The following ITGA1 variants were observed in gnomAD, a reference collection of about 807,000 sequenced individuals.
The protein encoded by ITGA1 is integrin subunit alpha 1.
In ITGA1, 85 loss-of-function variants were observed where a neutral mutation model predicts 145.9. The observed-to-expected ratio is 0.58, with a 90% CI of 0.49 to 0.70. The LOEUF is 0.70. ITGA1 is among the 30% of genes least tolerant of loss of function. The pLI is 0.00. For missense variants in ITGA1, 1,351 were observed against 1,418.7 expected (o/e 0.95, Z 0.77); for synonymous variants, 520 against 495.3 (o/e 1.05, Z -0.66).
chr5:52,865,623 G>A (rs1749675140), intron 5 of ITGA1, 67 bp from the exon 6 acceptor site: 1 of 1,287,180 alleles, frequency 7.8e-7, no homozygotes, highest in Non-Finnish European at 1.0e-6. Context: ...TTTCAGCCAT[G>A]AAAGCACTTC....
At chr5:52,920,250 T>C (rs1750711036) in intron 16 of ITGA1, 82 bp from the exon 17 acceptor site, 1 of 1,082,690 alleles carries the variant, frequency 9.2e-7, no homozygotes, top group Admixed American at 3.0e-5. Context: ...GATTTTTCTA[T>C]AATGCTAATT....
intron 7 of ITGA1, among the ~76,000 whole-genome samples, chr5:52,887,029 G>A (rs755938641): frequency 6.6e-6 from 1 of 151,788 alleles, no homozygotes; most frequent in African/African-American, 2.4e-5. Context: ...TGCCCGCCTC[G>A]GCCTCCCTGA....
intron 1 of ITGA1, among the ~76,000 whole-genome samples, chr5:52,792,097 C>T (rs1024490287): frequency 1.3e-5 from 2 of 152,126 alleles, no homozygotes; most frequent in African/African-American, 4.8e-5. Context: ...TTAAGTGTAA[C>T]TCAAGTAAGA....
intron 5 of ITGA1, among the ~76,000 whole-genome samples, 175 bp downstream of exon 5, chr5:52,865,257 G>T (rs1234858699): frequency 6.6e-6 from 1 of 152,136 alleles, no homozygotes; most frequent in Non-Finnish European, 1.5e-5. Context: ...GCTATTTTTG[G>T]AATTGATATT....
intron 23 of ITGA1, among the ~76,000 whole-genome samples, chr5:52,936,743 T>C (rs1328613067): frequency 6.6e-6 from 1 of 152,152 alleles, no homozygotes; most frequent in Middle Eastern, 3.2e-3. Context: ...TAGCAGAACA[T>C]GATACTAAGT....
intron 24 of ITGA1, among the ~76,000 whole-genome samples, chr5:52,938,557 G>C (rs574562922): frequency 6.6e-6 from 1 of 152,178 alleles, no homozygotes; most frequent in East Asian, 1.9e-4. Flanking sequence ...ATCCAAAAAA[G>C]CAGGTTTGTG....
chr5:52,803,044 G>A (rs1561212984), intron 1 of ITGA1: 2 of 152,154 alleles, frequency 1.3e-5, no homozygotes, highest in Non-Finnish European at 2.9e-5. Context: ...AATTAGGAAC[G>A]ATCTAATAGT....
intron 11 of ITGA1, chr5:52,902,792 C>G (rs1304052531): frequency 6.6e-6 from 1 of 152,178 alleles, no homozygotes; most frequent in African/African-American, 2.4e-5. Context: ...CCAGACTGGT[C>G]TCGAACTCCT....
chr5:52,867,255 A>G (rs1277459299), intron 6 of ITGA1: 2 of 152,100 alleles, frequency 1.3e-5, no homozygotes, highest in Non-Finnish European at 2.9e-5. Context: ...TCAAAGTTGA[A>G]CTCAAACTTC....
chr5:52,941,437 T>C (rs1237493758), intron 26 of ITGA1, among the ~76,000 whole-genome samples: 1 of 152,226 alleles, frequency 6.6e-6, no homozygotes, highest in Non-Finnish European at 1.5e-5. Context: ...CATTTTCTGT[T>C]ATTTTTTGAC....
At chr5:52,940,531 C>T (rs1274451710) in intron 26 of ITGA1, among the ~76,000 whole-genome samples, 2 of 151,754 alleles carry the variant, frequency 1.3e-5, no homozygotes, top group Non-Finnish European at 2.9e-5. Context: ...GCCTCAGCCT[C>T]CCGAGTAGCT....
intron 2 of ITGA1, 79 bp downstream of exon 2, chr5:52,849,564 T>C (rs977014874): frequency 4.2e-5 from 51 of 1,227,792 alleles, no homozygotes; most frequent in Admixed American, 6.6e-5. Context: ...CAGTTTCTTT[T>C]ATGAATGAAA....
intron 2 of ITGA1, among the ~76,000 whole-genome samples, chr5:52,852,821 G>A (rs1749449352): frequency 1.3e-5 from 2 of 151,918 alleles, no homozygotes; most frequent in Admixed American, 1.3e-4. Context: ...TTATTTGTTG[G>A]CTGAACAACT....
chr5:52,842,386 A>G (rs1338703324), intron 1 of ITGA1, among the ~76,000 whole-genome samples: 1 of 152,154 alleles, frequency 6.6e-6, no homozygotes, highest in African/African-American at 2.4e-5. Context: ...AAGTCCATGA[A>G]TCTGCTGTCT....
chr5:52,917,785 G>A (rs538381476), intron 15 of ITGA1, among the ~76,000 whole-genome samples: 1 of 152,300 alleles, frequency 6.6e-6, no homozygotes, highest in African/African-American at 2.4e-5. Context: ...TTATTGCTGA[G>A]TGGTAGTATA....
Position 52,865,058 on chromosome 5 carries a change from G to C in ITGA1, c.472G>C (p.Val158Leu), listed in dbSNP as rs201701560. 2 of 1,612,886 alleles carry C rather than the reference G, an allele frequency of 1.2e-6. No individual in the cohort carries two copies. The highest frequency in any genetic ancestry group is 2.7e-5 in the African/African-American group (2 of 74,856). ...CSDVSPTFQVVNSIAPVQECS... is the reference protein window; with the variant it reads ...CSDVSPTFQVLNSIAPVQECS... Reference sequence around the variant, plus strand: ...TGACGTCAGCCCCACATTTCAAGTCGTGAATTCCATTGCCCCTGTACAAGG... The same window carrying C: ...TGACGTCAGCCCCACATTTCAAGTCCTGAATTCCATTGCCCCTGTACAAGG... Residue 158 changes from valine (V) to leucine (L), a missense_variant, in exon 5 of 29, where the codon GTG becomes CTG. Transcript: ENST00000282588.
intron 19 of ITGA1, among the ~76,000 whole-genome samples, chr5:52,926,567 A>T (rs1379065964): frequency 6.6e-6 from 1 of 152,114 alleles, no homozygotes; most frequent in African/African-American, 2.4e-5. Context: ...GCACCACTGC[A>T]CTCCAGCCTG....
intron 14 of ITGA1, among the ~76,000 whole-genome samples, chr5:52,912,171 T>TATATATATAC (rs1561246940): frequency 2.0e-4 from 29 of 143,606 alleles, no homozygotes; most frequent in Middle Eastern, 0.011. Context: ...ATAGCGTATC[T>TATATATATAC]AGTATATAGA....
At chr5:52,911,586 T>C (rs1180762022) in intron 14 of ITGA1, among the ~76,000 whole-genome samples, 2 of 70,380 alleles carry the variant, frequency 2.8e-5, no homozygotes, top group Non-Finnish European at 6.2e-5. Flanking sequence ...ATATATATAG[T>C]GTATCTACTA....
Sources: gnomAD v4.1 joint callset for allele counts (sites outside exome capture counted in the v4.1 genomes callset) on GRCh38, gnomAD v4.1.1 for gene constraint, MANE v1.5 for transcripts, NCBI Gene and HGNC (gene_info 2026-07-23, HGNC 2026-07-21) for gene names.